Variants in CDH18 observed in about 807,000 individuals in gnomAD.
CDH18 encodes the protein cadherin-18.
Under a neutral mutation model 67.9 loss-of-function variants are expected in CDH18, and 31 were observed. That is an observed-to-expected ratio of 0.46 (90% CI 0.34 to 0.62). The LOEUF (loss-of-function observed/expected upper bound fraction) is 0.62, where lower values mean the gene tolerates loss of function less well. CDH18 is among the 20% of genes least tolerant of loss of function. CDH18 has a pLI of 0.01. For synonymous variants in CDH18, 362 were observed against 347.2 expected, an observed-to-expected ratio of 1.04 and a Z score of -0.48; for missense variants, 890 against 975.5, an observed-to-expected ratio of 0.91 and a Z score of 1.17.
chr5:19,536,709 C>G (rs114237571), intron 9 of CDH18, among the ~76,000 whole-genome samples: 1 of 152,100 alleles, frequency 6.6e-6, no homozygotes, highest in Non-Finnish European at 1.5e-5. Flanking sequence ...AGATGGAAGG[C>G]CTGGTACAAC....
chr5:19,662,656 A>G (rs1188164498), intron 5 of CDH18, among the ~76,000 whole-genome samples: 2 of 152,004 alleles, frequency 1.3e-5, no homozygotes, highest in African/African-American at 2.4e-5. Flanking sequence ...CACAAACCAC[A>G]TATGTGCAGC....
chr5:20,445,371 G>T (rs146173655), intron 1 of CDH18, among the ~76,000 whole-genome samples: 1 of 152,186 alleles, frequency 6.6e-6, no homozygotes, highest in South Asian at 2.1e-4. Context: ...GATACAAACA[G>T]ACATCAGAAT....
chr5:19,946,954 A>G (rs1405307084), intron 2 of CDH18, among the ~76,000 whole-genome samples: 1 of 152,158 alleles, frequency 6.6e-6, no homozygotes, highest in Non-Finnish European at 1.5e-5. Flanking sequence ...CATGTAATCC[A>G]CCATATCAAC....
At chr5:20,543,209 T>C (rs987556306) in intron 1 of CDH18, among the ~76,000 whole-genome samples, 1 of 152,192 alleles carries the variant, frequency 6.6e-6, no homozygotes, top group African/African-American at 2.4e-5. Context: ...GTTACACTGC[T>C]ATTTAATAAT....
intron 2 of CDH18, among the ~76,000 whole-genome samples, chr5:20,231,684 A>G (rs879533230): frequency 2.4e-4 from 36 of 152,112 alleles, no homozygotes; most frequent in Admixed American, 1.1e-3. Flanking sequence ...TCGTTTTACA[A>G]ATTTTGAAAT....
chr5:20,287,174 G>A (rs1467681026), intron 1 of CDH18, among the ~76,000 whole-genome samples: 2 of 151,606 alleles, frequency 1.3e-5, no homozygotes, highest in African/African-American at 2.4e-5. Flanking sequence ...CAGGTATAAT[G>A]TTTTACATTT....
At chr5:19,509,403 C>G (rs1339735542) in intron 10 of CDH18, among the ~76,000 whole-genome samples, 1 of 151,966 alleles carries the variant, frequency 6.6e-6, no homozygotes, top group African/African-American at 2.4e-5. Context: ...TACAACATAC[C>G]CATGTAAAAA....
intron 2 of CDH18, among the ~76,000 whole-genome samples, chr5:19,993,730 A>G (rs962998049): frequency 2.0e-5 from 3 of 152,120 alleles, no homozygotes; most frequent in Non-Finnish European, 4.4e-5. Context: ...AGACAAATAT[A>G]TAGATATCGA....
intron 2 of CDH18, among the ~76,000 whole-genome samples, chr5:19,914,178 T>C (rs574816426): frequency 2.0e-5 from 3 of 152,220 alleles, no homozygotes; most frequent in Admixed American, 1.3e-4. Context: ...ATGTGTTGTT[T>C]GATACAAAAT....
At chr5:20,284,654 T>G (rs575407874) in intron 1 of CDH18, among the ~76,000 whole-genome samples, 18 of 151,976 alleles carry the variant, frequency 1.2e-4, no homozygotes, top group African/African-American at 4.3e-4. Flanking sequence ...TACGACACCA[T>G]GAACAAGCTT....
At chr5:19,976,465 C>T (rs1321099732) in intron 2 of CDH18, among the ~76,000 whole-genome samples, 1 of 151,990 alleles carries the variant, frequency 6.6e-6, no homozygotes, top group Non-Finnish European at 1.5e-5. Context: ...TCAACAGTCT[C>T]AAAGAATCAC....
At chr5:19,862,199 C>A (rs1346746399) in intron 2 of CDH18, among the ~76,000 whole-genome samples, 1 of 72,810 alleles carries the variant, frequency 1.4e-5, no homozygotes, top group Non-Finnish European at 3.5e-5. Context: ...TGATATGAAA[C>A]AAATACATTA....
intron 6 of CDH18, among the ~76,000 whole-genome samples, chr5:19,606,036 T>G (rs1256030913): frequency 6.6e-6 from 1 of 152,086 alleles, no homozygotes; most frequent in Non-Finnish European, 1.5e-5. Context: ...TCAGCAGCCA[T>G]GAGTTACTGG....
intron 3 of CDH18, among the ~76,000 whole-genome samples, chr5:19,834,612 T>C (rs1781419087): frequency 1.3e-5 from 2 of 152,114 alleles, no homozygotes; most frequent in South Asian, 2.1e-4. Context: ...TAAATTGTGA[T>C]GTTAAGGTGT....
At chr5:20,500,856 T>C (rs1438822904) in intron 1 of CDH18, among the ~76,000 whole-genome samples, 1 of 152,224 alleles carries the variant, frequency 6.6e-6, no homozygotes, top group African/African-American at 2.4e-5. Flanking sequence ...TGTTTGATTG[T>C]ATAACATTGA....
intron 2 of CDH18, among the ~76,000 whole-genome samples, chr5:19,947,020 A>G (rs555910082): frequency 2.0e-5 from 3 of 152,292 alleles, no homozygotes; most frequent in African/African-American, 4.8e-5. Flanking sequence ...AAAGCATTCA[A>G]TAAAATCCCA....
chr5:19,721,657 G>A (rs1470834550), intron 4 of CDH18, among the ~76,000 whole-genome samples, 191 bp from the exon 5 acceptor site: 2 of 152,130 alleles, frequency 1.3e-5, no homozygotes, highest in Admixed American at 1.3e-4. Flanking sequence ...ATGAAAGAGA[G>A]TCTAAAATAT....
chr5:20,304,564 G>A (rs1736249789), intron 1 of CDH18: 4 of 1,611,172 alleles, frequency 2.5e-6, no homozygotes, highest in Non-Finnish European at 3.4e-6. Flanking sequence ...GTTTCCAGGG[G>A]AGAATGAAAA....
At chr5:20,518,500 G>T (rs1755515998) in intron 1 of CDH18, among the ~76,000 whole-genome samples, 1 of 152,108 alleles carries the variant, frequency 6.6e-6, no homozygotes, top group Non-Finnish European at 1.5e-5. Context: ...TATAACAACA[G>T]AAAAATTATG....
Sources: allele counts gnomAD v4.1 joint callset (sites outside exome capture counted in the v4.1 genomes callset), GRCh38; gene constraint gnomAD v4.1.1; transcripts MANE v1.5; gene names NCBI Gene and HGNC (gene_info 2026-07-23, HGNC 2026-07-21).